Variants in RIMS2 observed in about 807,000 individuals in gnomAD.
The protein encoded by RIMS2 is regulating synaptic membrane exocytosis protein 2.
RIMS2 carries 59 observed loss-of-function variants against 174.4 expected under a neutral mutation model. The ratio of observed to expected loss-of-function variants is 0.34; its 90% CI spans 0.27 to 0.42. RIMS2 has a LOEUF of 0.42. Ranked by LOEUF, RIMS2 falls within the 10% of genes least tolerant of loss-of-function variation. RIMS2 has a pLI of 1.00. For missense variants in RIMS2, 1,620 were observed against 1,666.3 expected, an observed-to-expected ratio of 0.97 and a Z score of 0.48; for synonymous variants, 606 against 572.5, an observed-to-expected ratio of 1.06 and a Z score of -0.84.
exon 13 of RIMS2, chr8:103,936,634 A>G: frequency 6.2e-7 from 1 of 1,611,378 alleles, no homozygotes; most frequent in Non-Finnish European, 8.5e-7. Flanking sequence ...TCTCCAGTCC[A>G]CCGAAGAGAA....
intron 3 of RIMS2, among the ~76,000 whole-genome samples, chr8:103,828,383 T>C (rs966487299): frequency 6.6e-6 from 1 of 152,244 alleles, no homozygotes; most frequent in African/African-American, 2.4e-5. Context: ...GTATGTCTTC[T>C]TTTGAGATGT....
intron 2 of RIMS2, among the ~76,000 whole-genome samples, chr8:103,734,014 C>CTTTTT (rs59348302): frequency 0.036 from 3,091 of 85,470 alleles, 180 homozygotes; most frequent in African/African-American, 0.05. Context: ...CTAAAAGCTT[C>CTTTTT]TTTTTTTTTT....
chr8:104,060,013 A>G lies in RIMS2; in HGVS notation c.3334+45398A>G, dbSNP rs1382208001. ...ATTTTTGCATCAATGTTCATCAAGG[A>G]TATTGGTCTAAAATTCTCTTTTTTG... On this transcript the variant is annotated intron_variant, in intron 19 of 23. Transcript: ENST00000504942. Among the ~76,000 whole-genome samples the G allele has an allele frequency of 3.3e-5, 5 of 151,804 alleles. No homozygotes were observed. The East Asian group carries it at 7.7e-4, about 23-fold the overall frequency.
chr8:103,975,301 G>C (rs1035535675), intron 15 of RIMS2, 49 bp from the exon 18 acceptor site: 1 of 1,337,476 alleles, frequency 7.5e-7, no homozygotes, highest in Non-Finnish European at 1.0e-6. Flanking sequence ...GAGACGCAAA[G>C]GACTTTGTAC....
chr8:103,802,073 G>A (rs73697664), intron 3 of RIMS2, among the ~76,000 whole-genome samples: 2,758 of 152,188 alleles, frequency 0.018, 75 homozygotes, highest in African/African-American at 0.062. Flanking sequence ...CATTAAAATG[G>A]GAGTATTTGT....
chr8:103,787,505 G>C (rs1324313670), intron 3 of RIMS2, among the ~76,000 whole-genome samples: 1 of 151,410 alleles, frequency 6.6e-6, no homozygotes, highest in Non-Finnish European at 1.5e-5. Context: ...TGTCTGTAAA[G>C]TATTTTATTT....
intron 19 of RIMS2, among the ~76,000 whole-genome samples, chr8:104,139,437 C>T (rs956871493): frequency 2.6e-5 from 4 of 152,000 alleles, no homozygotes; most frequent in Admixed American, 2.6e-4. Flanking sequence ...TTCAATTTCT[C>T]CTGTCAGTGT....
chr8:104,211,442 C>T (rs1469802914), intron 19 of RIMS2, among the ~76,000 whole-genome samples: 3 of 152,092 alleles, frequency 2.0e-5, no homozygotes, highest in Non-Finnish European at 4.4e-5. Flanking sequence ...CCAGGGAGTA[C>T]GACTTGTGAT....
At chr8:103,885,245 TAA>T in intron 3 of RIMS2, 51 bp from the exon 7 acceptor site, 1 of 1,490,136 alleles carries the variant, frequency 6.7e-7, no homozygotes, top group East Asian at 2.4e-5. Flanking sequence ...CAATGAAATG[TAA>T]AATTGATAAA....
chr8:103,921,702 A>G (rs758912547), exon 10 of RIMS2: 2 of 1,548,906 alleles, frequency 1.3e-6, no homozygotes, highest in South Asian at 2.2e-5. Flanking sequence ...CAAAAAATGG[A>G]TCGTCCTTCT....
At chr8:104,079,991 TAGA>T (rs1401629433) in intron 19 of RIMS2, among the ~76,000 whole-genome samples, 2 of 152,010 alleles carry the variant, frequency 1.3e-5, no homozygotes, top group Non-Finnish European at 2.9e-5. Context: ...ATATGATTTT[TAGA>T]AGAAGATATA....
intron 2 of RIMS2, among the ~76,000 whole-genome samples, chr8:103,744,265 C>T (rs1006647180): frequency 7.3e-5 from 11 of 151,644 alleles, no homozygotes; most frequent in Non-Finnish European, 2.9e-5. Flanking sequence ...GGGATGGTCT[C>T]GATCTCTTGA....
chr8:103,826,002 A>C (rs1191748353), intron 3 of RIMS2, among the ~76,000 whole-genome samples: 2 of 152,108 alleles, frequency 1.3e-5, no homozygotes, highest in South Asian at 4.1e-4. Flanking sequence ...TAATTTTATT[A>C]TATTTGCCTC....
intron 3 of RIMS2, among the ~76,000 whole-genome samples, chr8:103,814,291 A>G (rs1187772111): frequency 1.3e-5 from 2 of 151,982 alleles, no homozygotes. Context: ...AGTAATAACT[A>G]ATAAGTACTA....
At chr8:103,741,427 C>T (rs1453590244) in intron 2 of RIMS2, among the ~76,000 whole-genome samples, 2 of 152,074 alleles carry the variant, frequency 1.3e-5, no homozygotes, top group African/African-American at 4.8e-5. Flanking sequence ...AGTAATCTAT[C>T]ATCACAAATT....
intron 1 of RIMS2, among the ~76,000 whole-genome samples, chr8:103,595,800 C>G (rs1236037619): frequency 2.0e-5 from 3 of 151,884 alleles, no homozygotes; most frequent in Admixed American, 2.0e-4. Flanking sequence ...GGTATTTAGT[C>G]GTAGTATAAT....
rs190076447 is a variant in RIMS2, at chr8:104,209,693, T to C, written c.3335-35223T>C. Among the ~76,000 whole-genome samples, 1,119 of 152,304 alleles carry C rather than the reference T, an allele frequency of 7.3e-3. 3 individuals are homozygous for C. The highest frequency in any genetic ancestry group is 0.012 in the Non-Finnish European group (830 of 68,030). On this transcript the variant is annotated intron_variant, in intron 19 of 23. Transcript: ENST00000504942. ...ACTAATGTGCCTGAAGTACTTAAGATAGTAGGTGCCTAAAAATTTTGTTAA... is the reference window on the plus strand; with the variant it reads ...ACTAATGTGCCTGAAGTACTTAAGACAGTAGGTGCCTAAAAATTTTGTTAA...
At chr8:103,859,678 G>A (rs575320338) in intron 3 of RIMS2, among the ~76,000 whole-genome samples, 5 of 152,014 alleles carry the variant, frequency 3.3e-5, no homozygotes, top group Admixed American at 2.6e-4. Context: ...GCAGGAACAA[G>A]CAAATCTAAT....
At chr8:104,114,236 T>C (rs1048808142) in intron 19 of RIMS2, among the ~76,000 whole-genome samples, 3 of 152,142 alleles carry the variant, frequency 2.0e-5, no homozygotes, top group African/African-American at 7.2e-5. Context: ...AATTCTATTT[T>C]GGCATTTTAA....
Sources: allele counts gnomAD v4.1 joint callset (sites outside exome capture counted in the v4.1 genomes callset), GRCh38; gene constraint gnomAD v4.1.1; transcripts MANE v1.5; gene names NCBI Gene and HGNC (gene_info 2026-07-23, HGNC 2026-07-21).